The following MARCHF1 variants were observed in gnomAD, a reference collection of about 807,000 sequenced individuals.
The protein encoded by MARCHF1 is E3 ubiquitin-protein ligase MARCHF1.
Under a neutral mutation model 54.2 loss-of-function variants are expected in MARCHF1, and 40 were observed. That is an observed-to-expected ratio of 0.74 (90% CI 0.57 to 0.96). The LOEUF (loss-of-function observed/expected upper bound fraction) is 0.96, where lower values mean the gene tolerates loss of function less well. MARCHF1 is among the 40% of genes least tolerant of loss of function. The pLI is 0.00. For missense variants in MARCHF1, 586 were observed against 656.5 expected, an observed-to-expected ratio of 0.89 and a Z score of 1.17; for synonymous variants, 236 against 236.3, an observed-to-expected ratio of 1.00 and a Z score of 0.01.
chr4:164,273,262 G>A (rs529525462), intron 1 of MARCHF1, among the ~76,000 whole-genome samples: 1 of 152,082 alleles, frequency 6.6e-6, no homozygotes, highest in Non-Finnish European at 1.5e-5. Flanking sequence ...AAGGCAGCAT[G>A]AAGGAGAAGT....
In MARCHF1 at chr4:163,528,991, T is replaced by C; in HGVS notation, c.1395A>G (p.Thr465=). The change falls in exon 10 of 10, where the codon ACA becomes ACG. Residue 465 remains threonine, a synonymous_variant. Coordinates refer to ENST00000514618, the MANE Select transcript of MARCHF1 (RefSeq NM_001394959.1). ...TKLVVVAIGF[T]GGLVFMYVQC... ...GTACGTACATGAAGACAAGACCTCC[T>C]GTGAAGCCAATGGCTACCACAACCA... is the stretch of plus-strand genomic sequence containing the variant. The C allele has an allele frequency of 6.2e-7, 1 of 1,612,644 alleles. No individual in the cohort carries two copies. Among genetic ancestry groups the C allele is most frequent in the Non-Finnish European group, 8.5e-7 (1 of 1,179,176 alleles).
chr4:163,716,790 C>CA (rs1330939225), intron 4 of MARCHF1, among the ~76,000 whole-genome samples: 2 of 152,142 alleles, frequency 1.3e-5, no homozygotes, highest in Non-Finnish European at 2.9e-5. Flanking sequence ...TGTTGAACAG[C>CA]AACTCTGGTT....
At chr4:163,765,411 T>C (rs148472419) in intron 4 of MARCHF1, among the ~76,000 whole-genome samples, 59 of 152,228 alleles carry the variant, frequency 3.9e-4, no homozygotes, top group African/African-American at 1.3e-3. Context: ...TTCACATTCA[T>C]CTTACTGTTA....
At chr4:164,293,982 C>T (rs1395248059) in intron 1 of MARCHF1, among the ~76,000 whole-genome samples, 5 of 152,198 alleles carry the variant, frequency 3.3e-5, no homozygotes, top group Non-Finnish European at 4.4e-5. Context: ...ACCATCTAAT[C>T]AGCTGCCAGT....
intron 1 of MARCHF1, among the ~76,000 whole-genome samples, chr4:164,122,365 G>C (rs1236480194): frequency 6.6e-6 from 1 of 152,048 alleles, no homozygotes; most frequent in East Asian, 1.9e-4. Flanking sequence ...TGCAGACATA[G>C]ATATTGGCAT....
At chr4:163,529,390 T>C (rs930800037) in intron 9 of MARCHF1, among the ~76,000 whole-genome samples, 6 of 152,064 alleles carry the variant, frequency 3.9e-5, no homozygotes, top group African/African-American at 1.4e-4. Context: ...GCTAGACTTT[T>C]AAGGAAGGAT....
intron 3 of MARCHF1, among the ~76,000 whole-genome samples, chr4:163,955,670 A>G (rs1011869816): frequency 1.3e-5 from 2 of 152,032 alleles, no homozygotes; most frequent in East Asian, 1.9e-4. Flanking sequence ...TTTCCTTTAT[A>G]TCTTCCCAAT....
intron 1 of MARCHF1, among the ~76,000 whole-genome samples, chr4:164,113,681 A>T (rs369616987): frequency 4.6e-5 from 7 of 151,998 alleles, no homozygotes; most frequent in South Asian, 2.1e-4. Flanking sequence ...TGATAAATAA[A>T]TTATTCAGGG....
chr4:164,343,906 C>A (rs1729998436), intron 1 of MARCHF1, among the ~76,000 whole-genome samples: 1 of 152,102 alleles, frequency 6.6e-6, no homozygotes, highest in African/African-American at 2.4e-5. Flanking sequence ...ACAGTTCTAC[C>A]ATAAAGACAC....
chr4:163,690,888 G>A (rs1055671925), intron 5 of MARCHF1, among the ~76,000 whole-genome samples: 2 of 152,154 alleles, frequency 1.3e-5, no homozygotes, highest in Non-Finnish European at 2.9e-5. Flanking sequence ...ATTTGGGAGC[G>A]TTACATCTCC....
intron 4 of MARCHF1, among the ~76,000 whole-genome samples, chr4:163,784,249 C>T (rs760199408): frequency 2.0e-5 from 3 of 151,624 alleles, no homozygotes; most frequent in Non-Finnish European, 2.9e-5. Context: ...CAACATGCAG[C>T]TTCAAAATTT....
chr4:163,587,692 T>G (rs929722428), intron 7 of MARCHF1, among the ~76,000 whole-genome samples: 1 of 152,058 alleles, frequency 6.6e-6, no homozygotes, highest in Non-Finnish European at 1.5e-5. Flanking sequence ...TGATGGGAAC[T>G]TTAGAAGCCC....
At chr4:163,660,713 C>T (rs944793876) in intron 5 of MARCHF1, among the ~76,000 whole-genome samples, 1 of 151,970 alleles carries the variant, frequency 6.6e-6, no homozygotes, top group Non-Finnish European at 1.5e-5. Context: ...GACCTGTATT[C>T]TGCCAGACTT....
At chr4:163,962,375 G>C in intron 3 of MARCHF1, among the ~76,000 whole-genome samples, 1 of 151,882 alleles carries the variant, frequency 6.6e-6, no homozygotes, top group Non-Finnish European at 1.5e-5. Context: ...CGGAGGTGTG[G>C]AATTGGGGGT....
intron 1 of MARCHF1, among the ~76,000 whole-genome samples, chr4:164,369,814 C>A (rs1202161834): frequency 6.6e-6 from 1 of 152,138 alleles, no homozygotes; most frequent in Non-Finnish European, 1.5e-5. Flanking sequence ...ACACGAACAT[C>A]TATCTAGCCT....
intron 4 of MARCHF1, among the ~76,000 whole-genome samples, chr4:163,756,170 C>A (rs1260806012): frequency 1.3e-5 from 2 of 152,098 alleles, no homozygotes; most frequent in Non-Finnish European, 2.9e-5. Context: ...ATCACAGAAG[C>A]CCACGTACAA....
chr4:163,663,943 TAA>T (rs554625763), intron 5 of MARCHF1, among the ~76,000 whole-genome samples: 2 of 141,456 alleles, frequency 1.4e-5, no homozygotes, highest in Admixed American at 7.1e-5. Context: ...ATGGGGCAGC[TAA>T]AAAAAAAAAA....
At chr4:164,009,596 G>T (rs1753374162) in intron 2 of MARCHF1, among the ~76,000 whole-genome samples, 1 of 152,090 alleles carries the variant, frequency 6.6e-6, no homozygotes, top group African/African-American at 2.4e-5. Context: ...CATTCACCAT[G>T]ATCAAGTGGG....
At chr4:163,856,754 T>C (rs1272801965) in intron 3 of MARCHF1, among the ~76,000 whole-genome samples, 2 of 152,186 alleles carry the variant, frequency 1.3e-5, no homozygotes, top group Non-Finnish European at 1.5e-5. Context: ...CTCATGCCTG[T>C]AATCCCAGCA....
Sources: gnomAD v4.1 joint callset for allele counts (sites outside exome capture counted in the v4.1 genomes callset) on GRCh38, gnomAD v4.1.1 for gene constraint, MANE v1.5 for transcripts, NCBI Gene and HGNC (gene_info 2026-07-23, HGNC 2026-07-21) for gene names.